Variants in C10orf90 observed in about 807,000 individuals in gnomAD.
C10orf90 encodes (E2-independent) E3 ubiquitin-conjugating enzyme FATS.
A neutral mutation model predicts 62.5 loss-of-function variants in C10orf90; 56 were observed. That is an observed-to-expected ratio of 0.90 (90% CI 0.72 to 1.12). The LOEUF is 1.12. C10orf90 is among the 50% of genes most tolerant of loss of function. C10orf90 has a pLI of 0.00. For synonymous variants in C10orf90, 386 were observed against 340.4 expected (o/e 1.13, Z -1.47); for missense variants, 970 against 880.4 (o/e 1.10, Z -1.29).
At chr10:126,451,119 C>A (rs1039608089) in intron 7 of C10orf90, among the ~76,000 whole-genome samples, 1 of 151,672 alleles carries the variant, frequency 6.6e-6, no homozygotes, top group Non-Finnish European at 1.5e-5. Flanking sequence ...CAGGGAAATG[C>A]AAATTAAAAC....
intron 1 of C10orf90, among the ~76,000 whole-genome samples, chr10:126,667,682 ACG>A (rs1846659800): frequency 6.6e-6 from 1 of 152,148 alleles, no homozygotes; most frequent in African/African-American, 2.4e-5. Flanking sequence ...TGGCAAAACC[ACG>A]CAAGCTCTGC....
chr10:126,529,535 A>G (rs12255453), intron 2 of C10orf90, among the ~76,000 whole-genome samples: 10,403 of 152,054 alleles, frequency 0.068, 1,171 homozygotes, highest in African/African-American at 0.23. Flanking sequence ...TTTGAGAAAG[A>G]ACAGCAACTC....
chr10:126,524,154 G>A lies in C10orf90; in HGVS notation c.314-10215C>T, dbSNP rs140175539. 2.0e-5 allele frequency among the ~76,000 whole-genome samples: 3 copies of A among 152,248 alleles called. No individual in the cohort carries two copies. In the East Asian group the frequency reaches 5.8e-4, roughly 29 times the overall value. On this transcript the variant is annotated intron_variant, in intron 2 of 9. Transcript: ENST00000488181. ...TAGCACAAACTAGTTCTTGTTTTGAGAGGTGGGTGGGGGTGGCAAGGAGAT... is the reference window on the plus strand; with the variant it reads ...TAGCACAAACTAGTTCTTGTTTTGAAAGGTGGGTGGGGGTGGCAAGGAGAT...
rs183111604 is a variant in C10orf90 at position 126,499,510 on chromosome 10, C to T, written c.1534+4447G>A. On this transcript the variant is annotated intron_variant, in intron 4 of 9. Coordinates refer to ENST00000488181, the MANE Select transcript of C10orf90 (RefSeq NM_001350921.2). Reference sequence around the variant, plus strand: ...GAGTGGGAGTCTAATGCAGGCTTCTCCCCTACAGGTAGGCTTGGCTTGTGT... The same window carrying T: ...GAGTGGGAGTCTAATGCAGGCTTCTTCCCTACAGGTAGGCTTGGCTTGTGT... 1.8e-3 allele frequency among the ~76,000 whole-genome samples: 273 copies of T among 152,304 alleles called. 2 individuals are homozygous for T. Among genetic ancestry groups the T allele is most frequent in the African/African-American group, 6.3e-3 (262 of 41,562 alleles).
chr10:126,547,785 G>A (rs1864536409), intron 2 of C10orf90, among the ~76,000 whole-genome samples: 1 of 152,098 alleles, frequency 6.6e-6, no homozygotes, highest in Non-Finnish European at 1.5e-5. Context: ...ACTTAGGAAA[G>A]AATCAGTGAG....
At chr10:126,551,766 G>T (rs191191423) in intron 2 of C10orf90, among the ~76,000 whole-genome samples, 39 of 152,238 alleles carry the variant, frequency 2.6e-4, no homozygotes, top group Admixed American at 1.6e-3. Context: ...ATCAAAAATC[G>T]CTTTCCTTAT....
chr10:126,486,910 A>AG (rs911685640), intron 4 of C10orf90, among the ~76,000 whole-genome samples: 1 of 152,076 alleles, frequency 6.6e-6, no homozygotes, highest in Non-Finnish European at 1.5e-5. Flanking sequence ...TGGGAGGCCA[A>AG]GGGGGGTGGA....
intron 2 of C10orf90, among the ~76,000 whole-genome samples, chr10:126,552,529 G>A (rs890626367): frequency 6.6e-6 from 1 of 152,136 alleles, no homozygotes; most frequent in African/African-American, 2.4e-5. Context: ...CATCATCCAG[G>A]CGTTCTCGCT....
At position 126,504,467 on chromosome 10, in the gene C10orf90, G is replaced by A. The variant is rs1217955068; in HGVS notation, c.1024C>T (p.Pro342Ser). 1 of 1,614,186 alleles carries A rather than the reference G, an allele frequency of 6.2e-7. No individual in the cohort carries two copies. The highest frequency in any genetic ancestry group is 1.1e-5 in the South Asian group (1 of 91,082). The change falls in exon 4 of 10, where the codon CCG becomes TCG. Residue 342 changes from proline (P) to serine (S), a missense_variant. Transcript: ENST00000488181. The surrounding 1 kb of genome is among the most constrained non-coding windows in gnomAD (Gnocchi z 4.1). ...SPDTPLSGKS[P>S]LVFSSCVHLR... is the part of the protein sequence containing the mutation. Reference sequence around the variant, plus strand: ...TGGACACAGGAACTGAACACCAGCGGGCTCTTTCCTGACAGTGGGGTGTCT... The same window carrying A: ...TGGACACAGGAACTGAACACCAGCGAGCTCTTTCCTGACAGTGGGGTGTCT...
chr10:126,554,861 A>T (rs1291332851), intron 2 of C10orf90, among the ~76,000 whole-genome samples: 1 of 152,234 alleles, frequency 6.6e-6, no homozygotes, highest in Non-Finnish European at 1.5e-5. Flanking sequence ...CCAACATCAA[A>T]ACAGAGAAGG....
intron 7 of C10orf90, 27 bp downstream of exon 7, chr10:126,459,013 A>G: frequency 1.3e-6 from 2 of 1,598,640 alleles, no homozygotes; most frequent in South Asian, 1.1e-5. Flanking sequence ...GGTCTTTTCC[A>G]GTCTCCACAA....
intron 2 of C10orf90, among the ~76,000 whole-genome samples, chr10:126,594,511 T>G (rs377275208): frequency 5.9e-5 from 9 of 152,204 alleles, no homozygotes; most frequent in African/African-American, 2.2e-4. Flanking sequence ...TTCTAGATGC[T>G]ACATCCAGGG....
At position 126,565,301 on chromosome 10, in the gene C10orf90, TA is replaced by T. The variant is rs1328210922; in HGVS notation, c.314-51363del. Among the ~76,000 whole-genome samples, 3 of 67,230 alleles carry T rather than the reference TA, an allele frequency of 4.5e-5. No homozygotes were observed. In the East Asian group the frequency reaches 1.4e-3, roughly 31 times the overall value. 44.1% of individuals were successfully genotyped at this position (67,230 alleles called of 152,430 possible). On this transcript the variant is annotated intron_variant, in intron 2 of 9. Coordinates refer to ENST00000488181, the MANE Select transcript of C10orf90 (RefSeq NM_001350921.2). Reference sequence around the variant, plus strand: ...TATATTATATATTATATATTTATATTATATATTATATTATATATATTATATA... The same window carrying T: ...TATATTATATATTATATATTTATATTTATATTATATTATATATATTATATA...
chr10:126,510,355 T>A (rs954897042), intron 3 of C10orf90, among the ~76,000 whole-genome samples: 2 of 152,216 alleles, frequency 1.3e-5, no homozygotes, highest in Non-Finnish European at 2.9e-5. Flanking sequence ...CTTTTAAAAC[T>A]GGGCAAATTT....
At chr10:126,466,163 CCACCATTG>C in intron 4 of C10orf90, among the ~76,000 whole-genome samples, 1 of 152,048 alleles carries the variant, frequency 6.6e-6, no homozygotes, top group South Asian at 2.1e-4. Context: ...AGAAATGGCC[CCACCATTG>C]CTGCCAGTGG....
chr10:126,464,098 T>C (rs932293105), intron 5 of C10orf90, among the ~76,000 whole-genome samples: 1 of 152,204 alleles, frequency 6.6e-6, no homozygotes, highest in African/African-American at 2.4e-5. Flanking sequence ...TTTTCCAATG[T>C]GTTCTTGTGT....
At chr10:126,427,940 C>T (rs1424345449) in intron 8 of C10orf90, among the ~76,000 whole-genome samples, 2 of 151,972 alleles carry the variant, frequency 1.3e-5, no homozygotes, top group Non-Finnish European at 2.9e-5. Flanking sequence ...ACTAATATAC[C>T]TGGGAAGTAT....
In C10orf90 at chr10:126,565,608, G is replaced by A. The variant is rs575272678; in HGVS notation, c.314-51669C>T. The stretch of plus-strand genomic sequence containing the variant: ...TGAAACGAGAAACTTCGCACTCTGC[G>A]GTCCAGGCTCTGCACTTGTGGTAGC... On this transcript the variant is annotated intron_variant, in intron 2 of 9. Transcript: ENST00000488181. Among the ~76,000 whole-genome samples the A allele has an allele frequency of 1.6e-4, 24 of 150,954 alleles. 1 individual carries two copies. The South Asian group carries it at 1.7e-3, about 10-fold the overall frequency.
At chr10:126,568,973 G>C (rs920355534) in intron 2 of C10orf90, among the ~76,000 whole-genome samples, 1 of 152,160 alleles carries the variant, frequency 6.6e-6, no homozygotes, top group African/African-American at 2.4e-5. Flanking sequence ...GGTCTGGAGA[G>C]GAAGATGGGC....
Sources: gnomAD v4.1 joint callset for allele counts (sites outside exome capture counted in the v4.1 genomes callset) on GRCh38, gnomAD v4.1.1 for gene constraint, Gnocchi (gnomAD v3.1) non-coding constraint, MANE v1.5 for transcripts, NCBI Gene and HGNC (gene_info 2026-07-23, HGNC 2026-07-21) for gene names.